YAP1: variants seen among roughly 807,000 people sequenced by gnomAD.
YAP1 encodes the protein Yes1 associated transcriptional regulator, also known as transcriptional coactivator YAP1.
Under a neutral mutation model 56.9 loss-of-function variants are expected in YAP1, and 5 were observed. The ratio of observed to expected loss-of-function variants is 0.09; its 90% CI spans 0.05 to 0.18. YAP1 has a LOEUF of 0.18. Ranked by LOEUF, YAP1 falls within the 10% of genes least tolerant of loss-of-function variation. The pLI, the probability that YAP1 is intolerant of heterozygous loss-of-function variation, is 1.00. For missense variants in YAP1, 539 were observed against 651.8 expected (o/e 0.83, Z 1.88); for synonymous variants, 265 against 248.1 (o/e 1.07, Z -0.64).
chr11:102,136,278 C>A (rs1944667989), intron 2 of YAP1, among the ~76,000 whole-genome samples: 1 of 151,794 alleles, frequency 6.6e-6, no homozygotes, highest in Non-Finnish European at 1.5e-5. Context: ...GAATTTTTGC[C>A]CCTTTTTCCT....
intron 3 of YAP1, among the ~76,000 whole-genome samples, chr11:102,163,729 G>T (rs1056872879): frequency 2.6e-5 from 4 of 152,182 alleles, no homozygotes; most frequent in Admixed American, 2.6e-4. Flanking sequence ...GGGTGGGAAG[G>T]GTGGTACCAT....
chr11:102,226,561 TAG>T (rs1950207466), intron 7 of YAP1, among the ~76,000 whole-genome samples: 1 of 152,230 alleles, frequency 6.6e-6, no homozygotes, highest in Non-Finnish European at 1.5e-5. Context: ...TAAGATTTTG[TAG>T]AGTTAGTAGA....
chr11:102,183,969 T>C (rs1266524122), intron 3 of YAP1, among the ~76,000 whole-genome samples: 7 of 147,440 alleles, frequency 4.7e-5, no homozygotes, highest in Non-Finnish European at 7.5e-5. Context: ...CCCAGCTACT[T>C]GGGAGGCGGA....
intron 2 of YAP1, among the ~76,000 whole-genome samples, chr11:102,143,217 A>G (rs145841894): frequency 1.3e-5 from 2 of 152,256 alleles, no homozygotes; most frequent in African/African-American, 2.4e-5. Flanking sequence ...TTTCTGTAGT[A>G]TCTCATATGG....
chr11:102,139,511 G>A (rs1238450741), intron 2 of YAP1, among the ~76,000 whole-genome samples: 1 of 152,122 alleles, frequency 6.6e-6, no homozygotes, highest in Non-Finnish European at 1.5e-5. Flanking sequence ...TAAAGAGCAA[G>A]GGTTTCAGGC....
chr11:102,172,284 G>T (rs1946949062), intron 3 of YAP1, among the ~76,000 whole-genome samples: 1 of 149,132 alleles, frequency 6.7e-6, no homozygotes, highest in Admixed American at 6.7e-5. Context: ...GTAGTGGAAA[G>T]GAAGAACAGT....
At chr11:102,127,558 A>G (rs1437282702) in intron 2 of YAP1, among the ~76,000 whole-genome samples, 1 of 152,220 alleles carries the variant, frequency 6.6e-6, no homozygotes, top group Non-Finnish European at 1.5e-5. Flanking sequence ...TGTGTGGGCA[A>G]AAGTTTGCTG....
intron 6 of YAP1, among the ~76,000 whole-genome samples, chr11:102,222,768 A>C (rs758119629): frequency 7.9e-5 from 12 of 152,118 alleles, no homozygotes; most frequent in Non-Finnish European, 1.3e-4. Flanking sequence ...CCTAAAGTCA[A>C]AATGAGACAT....
At chr11:102,209,425 G>A (rs576925581) in intron 5 of YAP1, 92 bp from the exon 6 acceptor site, 2 of 1,151,938 alleles carry the variant, frequency 1.7e-6, no homozygotes, top group African/African-American at 3.1e-5. Flanking sequence ...CTGTGCTATG[G>A]TGATATGTCT....
At chr11:102,147,058 G>A (rs1422846673) in intron 2 of YAP1, among the ~76,000 whole-genome samples, 1 of 152,114 alleles carries the variant, frequency 6.6e-6, no homozygotes, top group Non-Finnish European at 1.5e-5. Context: ...CAGTAACTCT[G>A]TTATCTCTAT....
At chr11:102,170,046 T>G (rs967612154) in intron 3 of YAP1, among the ~76,000 whole-genome samples, 5 of 152,246 alleles carry the variant, frequency 3.3e-5, no homozygotes, top group Non-Finnish European at 5.9e-5. Context: ...TTCTGAAGTC[T>G]TTGTTAAACC....
intron 2 of YAP1, among the ~76,000 whole-genome samples, chr11:102,151,154 G>A (rs1171038355): frequency 6.6e-6 from 1 of 152,068 alleles, no homozygotes; most frequent in African/African-American, 2.4e-5. Flanking sequence ...CTTAAGACTA[G>A]AATAGTACTT....
At chr11:102,134,379 A>AT (rs1432903144) in intron 2 of YAP1, among the ~76,000 whole-genome samples, 3 of 151,312 alleles carry the variant, frequency 2.0e-5, no homozygotes, top group East Asian at 1.9e-4. Flanking sequence ...TGAGAGTTGG[A>AT]TTTTTTTTAC....
chr11:102,110,697 C>T lies in YAP1; in HGVS notation c.-152C>T. The T allele has an allele frequency of 3.4e-6, 2 of 594,214 alleles. No individual in the cohort carries two copies. Among genetic ancestry groups the T allele is most frequent in the Non-Finnish European group, 4.6e-6 (2 of 433,852 alleles). The allele number at this position is 594,214 out of a possible 1,614,324, so 36.8% of individuals were successfully genotyped here. ...GGCGCCGGGGCGGGGGATGCGGGGCCGCGGCGCAGCCCCCCGGCCCTGAGA... is the reference window on the plus strand; with the variant it reads ...GGCGCCGGGGCGGGGGATGCGGGGCTGCGGCGCAGCCCCCCGGCCCTGAGA... On this transcript the variant is annotated 5_prime_UTR_variant, in exon 1 of 9. Coordinates refer to ENST00000282441, the MANE Select transcript of YAP1 (RefSeq NM_001130145.3).
intron 4 of YAP1, chr11:102,186,621 G>C (rs1309179486): frequency 6.5e-6 from 1 of 152,770 alleles, no homozygotes; most frequent in East Asian, 1.9e-4. Context: ...AAATGGCCCA[G>C]TGAAAGCATT....
chr11:102,169,333 A>G (rs939793027), intron 3 of YAP1, among the ~76,000 whole-genome samples: 3 of 152,226 alleles, frequency 2.0e-5, no homozygotes, highest in Non-Finnish European at 4.4e-5. Flanking sequence ...TTTGTTAAAA[A>G]TCTGTTACCA....
At chr11:102,176,860 G>A (rs1005803761) in intron 3 of YAP1, among the ~76,000 whole-genome samples, 1 of 151,346 alleles carries the variant, frequency 6.6e-6, no homozygotes, top group Non-Finnish European at 1.5e-5. Flanking sequence ...GTAGGGAGGT[G>A]GAAAGTGCAT....
At chr11:102,162,365 C>A in intron 2 of YAP1, 91 bp from the exon 3 acceptor site, 1 of 1,080,876 alleles carries the variant, frequency 9.3e-7, no homozygotes, top group South Asian at 1.3e-5. Flanking sequence ...ACAGAGCTCG[C>A]TTGGCACCCT....
chr11:102,177,242 A>G (rs1947314556), intron 3 of YAP1, among the ~76,000 whole-genome samples: 1 of 152,150 alleles, frequency 6.6e-6, no homozygotes, highest in African/African-American at 2.4e-5. Flanking sequence ...AAGCAGTGCT[A>G]TATAATGCCT....
Sources: gnomAD v4.1 joint callset for allele counts (sites outside exome capture counted in the v4.1 genomes callset) on GRCh38, gnomAD v4.1.1 for gene constraint, MANE v1.5 for transcripts, NCBI Gene and HGNC (gene_info 2026-07-23, HGNC 2026-07-21) for gene names.